The following MXI1 variants were observed in gnomAD, a reference collection of about 807,000 sequenced individuals.
MXI1 encodes the protein max-interacting protein 1.
In MXI1, 18 loss-of-function variants were observed where a neutral mutation model predicts 36.9. The ratio of observed to expected loss-of-function variants is 0.49; its 90% CI spans 0.34 to 0.72. The LOEUF is 0.72. MXI1 is among the 30% of genes least tolerant of loss of function. MXI1 has a pLI of 0.01. For synonymous variants in MXI1, 160 were observed against 146.7 expected (o/e 1.09, Z -0.65); for missense variants, 304 against 379.1 (o/e 0.80, Z 1.64).
intron 3 of MXI1, among the ~76,000 whole-genome samples, chr10:110,252,428 C>T (rs566942313): frequency 1.3e-5 from 2 of 152,198 alleles, no homozygotes; most frequent in South Asian, 2.1e-4. Context: ...TTAAACACAG[C>T]GTGATCATTT....
At chr10:110,229,205 C>G (rs974615125) in intron 2 of MXI1, among the ~76,000 whole-genome samples, 2 of 152,210 alleles carry the variant, frequency 1.3e-5, no homozygotes, top group Non-Finnish European at 2.9e-5. Flanking sequence ...AAAGGCCTTT[C>G]TTAACAGAAG....
intron 2 of MXI1, among the ~76,000 whole-genome samples, chr10:110,242,008 C>T (rs909910135): frequency 2.0e-5 from 3 of 151,950 alleles, no homozygotes; most frequent in African/African-American, 7.2e-5. Flanking sequence ...CTTTCTTTCT[C>T]TAACACCATG....
chr10:110,249,273 T>A (rs1045960910), intron 3 of MXI1, among the ~76,000 whole-genome samples: 3 of 152,152 alleles, frequency 2.0e-5, no homozygotes, highest in African/African-American at 7.2e-5. Context: ...TCCTTAAAAT[T>A]TGCCACTTTG....
At chr10:110,261,065 G>C in intron 3 of MXI1, 1 of 984,922 alleles carries the variant, frequency 1.0e-6, no homozygotes, top group Non-Finnish European at 1.2e-6. Flanking sequence ...AGAGCACACT[G>C]CTCTTACACA....
At chr10:110,230,060 ACT>A (rs1429837032) in intron 2 of MXI1, among the ~76,000 whole-genome samples, 8 of 152,074 alleles carry the variant, frequency 5.3e-5, no homozygotes, top group Admixed American at 5.2e-4. Flanking sequence ...AACTTCTATG[ACT>A]CTGATTTATT....
chr10:110,210,579 C>T (rs989513169), intron 1 of MXI1, among the ~76,000 whole-genome samples: 3 of 152,164 alleles, frequency 2.0e-5, no homozygotes, highest in Non-Finnish European at 4.4e-5. Context: ...GACCATCCGC[C>T]AGGCCCTCTG....
intron 1 of MXI1, among the ~76,000 whole-genome samples, chr10:110,221,767 C>T (rs1311445609): frequency 6.6e-6 from 1 of 152,212 alleles, no homozygotes; most frequent in Non-Finnish European, 1.5e-5. Context: ...CAACAAACTT[C>T]CAGATTCAGC....
intron 3 of MXI1, among the ~76,000 whole-genome samples, chr10:110,246,195 G>A (rs573354154): frequency 2.2e-4 from 34 of 151,900 alleles, no homozygotes; most frequent in Admixed American, 2.0e-3. Context: ...CTGGTGTGGT[G>A]GCATGCAGTC....
At chr10:110,267,459 T>C (rs1856713419) in intron 3 of MXI1, among the ~76,000 whole-genome samples, 1 of 152,222 alleles carries the variant, frequency 6.6e-6, no homozygotes, top group Admixed American at 6.5e-5. Context: ...ACCAAATATG[T>C]CATTTTTCTT....
chr10:110,229,767 G>T (rs1320269424), intron 2 of MXI1, among the ~76,000 whole-genome samples: 1 of 152,040 alleles, frequency 6.6e-6, no homozygotes, highest in Non-Finnish European at 1.5e-5. Context: ...ACATTTGCTT[G>T]CCCTTACGGT....
At chr10:110,283,289 T>A (rs772251165) in intron 5 of MXI1, among the ~76,000 whole-genome samples, 45 of 144,958 alleles carry the variant, frequency 3.1e-4, no homozygotes, top group East Asian at 1.0e-3. Context: ...TGAGAGAGAG[T>A]GTCTCGCTCT....
intron 3 of MXI1, among the ~76,000 whole-genome samples, chr10:110,245,993 G>A (rs181481773): frequency 1.3e-5 from 2 of 152,098 alleles, no homozygotes; most frequent in Non-Finnish European, 2.9e-5. Context: ...CATAAGAATT[G>A]TAAGAGTAAA....
At chr10:110,211,553 C>T (rs972972162) in intron 1 of MXI1, among the ~76,000 whole-genome samples, 6 of 152,210 alleles carry the variant, frequency 3.9e-5, no homozygotes, top group African/African-American at 1.4e-4. Context: ...CTGCTGTTTG[C>T]GAAGTACTTA....
At chr10:110,245,076 A>G (rs1855814700) in intron 3 of MXI1, among the ~76,000 whole-genome samples, 2 of 152,174 alleles carry the variant, frequency 1.3e-5, no homozygotes, top group Non-Finnish European at 2.9e-5. Context: ...GCTTACTCGA[A>G]TTTGAGTTTT....
chr10:110,276,829 C>CTTTCT (rs1235794912), intron 3 of MXI1, among the ~76,000 whole-genome samples: 1 of 149,724 alleles, frequency 6.7e-6, no homozygotes, highest in African/African-American at 2.4e-5. Context: ...ATTTTCCTTT[C>CTTTCT]TTTCTTTTCT....
At chr10:110,220,803 A>C (rs1300796010) in intron 1 of MXI1, among the ~76,000 whole-genome samples, 1 of 152,256 alleles carries the variant, frequency 6.6e-6, no homozygotes. Context: ...CTAAACAAAA[A>C]TATCAACTCT....
At chr10:110,280,664 A>G (rs1332456694) in intron 5 of MXI1, among the ~76,000 whole-genome samples, 2 of 150,516 alleles carry the variant, frequency 1.3e-5, no homozygotes, top group Non-Finnish European at 3.0e-5. Context: ...TGGGCAACAG[A>G]GTGAGGTTCC....
At chr10:110,220,256 G>A (rs1854767947) in intron 1 of MXI1, among the ~76,000 whole-genome samples, 1 of 152,172 alleles carries the variant, frequency 6.6e-6, no homozygotes, top group Non-Finnish European at 1.5e-5. Context: ...TAAATGAACT[G>A]ACTGGAGGAG....
chr10:110,214,921 T>C (rs979882354), intron 1 of MXI1, among the ~76,000 whole-genome samples: 1 of 151,556 alleles, frequency 6.6e-6, no homozygotes, highest in African/African-American at 2.4e-5. Context: ...GGAGTCTTCC[T>C]GCAGAATGAG....
Sources: gnomAD v4.1 joint callset for allele counts (sites outside exome capture counted in the v4.1 genomes callset) on GRCh38, gnomAD v4.1.1 for gene constraint, MANE v1.5 for transcripts, NCBI Gene and HGNC (gene_info 2026-07-23, HGNC 2026-07-21) for gene names.